Variants in KCNIP4 observed in about 807,000 individuals in gnomAD.
KCNIP4 encodes the protein Kv channel-interacting protein 4.
KCNIP4 carries 12 observed loss-of-function variants against 34.0 expected under a neutral mutation model. That is an observed-to-expected ratio of 0.35 (90% CI 0.23 to 0.57). The LOEUF (loss-of-function observed/expected upper bound fraction) is 0.57, where lower values mean the gene tolerates loss of function less well. Among genes scored for constraint, KCNIP4 ranks in the 20% least tolerant of loss-of-function variants. KCNIP4 has a pLI of 0.83. For missense variants in KCNIP4, 238 were observed against 311.7 expected (o/e 0.76, Z 1.78); for synonymous variants, 124 against 102.2 (o/e 1.21, Z -1.29).
intron 1 of KCNIP4, among the ~76,000 whole-genome samples, chr4:21,294,255 G>A (rs1763709302): frequency 1.3e-5 from 2 of 152,062 alleles, no homozygotes. Context: ...GATACCTCCT[G>A]AATGCCTGAG....
chr4:21,085,171 G>A (rs1177592175), intron 1 of KCNIP4, among the ~76,000 whole-genome samples: 2 of 152,040 alleles, frequency 1.3e-5, no homozygotes, highest in Admixed American at 6.6e-5. Context: ...TCACAACGGA[G>A]GAGCTCTTAT....
intron 2 of KCNIP4, among the ~76,000 whole-genome samples, chr4:20,878,797 C>T (rs960874754): frequency 2.6e-5 from 4 of 152,148 alleles, no homozygotes; most frequent in African/African-American, 7.2e-5. Context: ...CTAAAACCCA[C>T]AATGCCCCTC....
At chr4:21,644,459 A>G (rs1413873548) in intron 1 of KCNIP4, among the ~76,000 whole-genome samples, 1 of 152,226 alleles carries the variant, frequency 6.6e-6, no homozygotes, top group Non-Finnish European at 1.5e-5. Flanking sequence ...GACAAATTAT[A>G]TAATCTTGGC....
chr4:21,899,551 CA>C (rs35058348), intron 1 of KCNIP4, among the ~76,000 whole-genome samples: 22,275 of 150,314 alleles, frequency 0.15, 2,009 homozygotes, highest in Non-Finnish European at 0.2. Context: ...AGGACTCCAT[CA>C]AAAAAAAATA....
chr4:21,114,518 T>C (rs982048841), intron 1 of KCNIP4, among the ~76,000 whole-genome samples: 1 of 151,868 alleles, frequency 6.6e-6, no homozygotes, highest in Non-Finnish European at 1.5e-5. Context: ...TAAAAAAGAA[T>C]AAAAAAATAA....
intron 1 of KCNIP4, among the ~76,000 whole-genome samples, chr4:21,177,013 G>A (rs1387396508): frequency 6.6e-6 from 1 of 152,164 alleles, no homozygotes; most frequent in Non-Finnish European, 1.5e-5. Flanking sequence ...TCATTAAACA[G>A]GATCTACTTT....
intron 1 of KCNIP4, among the ~76,000 whole-genome samples, chr4:21,623,614 A>C (rs755828135): frequency 6.6e-6 from 1 of 152,180 alleles, no homozygotes; most frequent in Non-Finnish European, 1.5e-5. Flanking sequence ...CTACTCTCAA[A>C]GTTCTTTTCA....
chr4:21,050,627 TG>T (rs1223910412), intron 1 of KCNIP4, among the ~76,000 whole-genome samples: 1 of 152,178 alleles, frequency 6.6e-6, no homozygotes, highest in Non-Finnish European at 1.5e-5. Context: ...CACAAAAATA[TG>T]GCATTATGGC....
intron 1 of KCNIP4, among the ~76,000 whole-genome samples, chr4:21,076,021 G>A (rs1318453594): frequency 1.3e-5 from 2 of 152,060 alleles, no homozygotes; most frequent in African/African-American, 2.4e-5. Flanking sequence ...TTAGTCTGAC[G>A]GGTTTCCCTT....
intron 1 of KCNIP4, among the ~76,000 whole-genome samples, chr4:21,715,166 C>T (rs555171597): frequency 6.7e-5 from 10 of 150,272 alleles, no homozygotes; most frequent in Admixed American, 3.4e-4. Flanking sequence ...CTGCAAGCTC[C>T]GCCTCCCGGG....
chr4:21,672,822 T>C (rs1289711102), intron 1 of KCNIP4, among the ~76,000 whole-genome samples: 1 of 152,220 alleles, frequency 6.6e-6, no homozygotes, highest in Non-Finnish European at 1.5e-5. Context: ...CATGAGTTTG[T>C]AGTCAAGGTA....
At chr4:21,070,268 C>T (rs74286710) in intron 1 of KCNIP4, among the ~76,000 whole-genome samples, 21,330 of 151,944 alleles carry the variant, frequency 0.14, 1,720 homozygotes, top group East Asian at 0.24. Context: ...TTGTTTTTGG[C>T]GATTAAAAAT....
intron 1 of KCNIP4, among the ~76,000 whole-genome samples, chr4:21,048,944 CTTTTTTTTTTTT>C (rs949548104): frequency 1.0e-5 from 1 of 96,050 alleles, no homozygotes; most frequent in Non-Finnish European, 2.0e-5. Context: ...TTCTGTTTAT[CTTTTTTTTTTTT>C]TTTTTTTTTT....
At chr4:21,804,054 C>T (rs1466613445) in intron 1 of KCNIP4, among the ~76,000 whole-genome samples, 1 of 152,170 alleles carries the variant, frequency 6.6e-6, no homozygotes, top group Non-Finnish European at 1.5e-5. Flanking sequence ...CAAGATTTGG[C>T]TTTGTGTTAG....
intron 1 of KCNIP4, among the ~76,000 whole-genome samples, chr4:20,899,939 G>T (rs559437959): frequency 6.6e-6 from 1 of 152,290 alleles, no homozygotes; most frequent in East Asian, 1.9e-4. Flanking sequence ...TCCTGAAAAT[G>T]CTAGCATCAC....
At chr4:21,853,094 T>A (rs1175338786) in intron 1 of KCNIP4, 1 of 152,180 alleles carries the variant, frequency 6.6e-6, no homozygotes, top group Non-Finnish European at 1.5e-5. Context: ...CTCTCTATAT[T>A]TGAAGAAATT....
chr4:20,736,544 T>A (rs1749673694), intron 5 of KCNIP4, among the ~76,000 whole-genome samples: 2 of 152,204 alleles, frequency 1.3e-5, no homozygotes, highest in Non-Finnish European at 2.9e-5. Flanking sequence ...GCAAATGGAA[T>A]TAATTTTACC....
intron 1 of KCNIP4, among the ~76,000 whole-genome samples, chr4:20,893,469 C>T (rs1726162940): frequency 6.6e-6 from 1 of 152,102 alleles, no homozygotes; most frequent in African/African-American, 2.4e-5. Context: ...TTCGCCCAGG[C>T]TGGAGTGCAG....
intron 1 of KCNIP4, among the ~76,000 whole-genome samples, chr4:21,927,528 T>C (rs964007102): frequency 2.1e-4 from 32 of 152,124 alleles, no homozygotes; most frequent in Non-Finnish European, 4.0e-4. Flanking sequence ...AGCGCAAAAG[T>C]GAGAGCTCCT....
Sources: allele counts gnomAD v4.1 joint callset (sites outside exome capture counted in the v4.1 genomes callset), GRCh38; gene constraint gnomAD v4.1.1; transcripts MANE v1.5; gene names NCBI Gene and HGNC (gene_info 2026-07-23, HGNC 2026-07-21).